Variants in ACOT4 observed in about 807,000 individuals in gnomAD.
The protein encoded by ACOT4 is acyl-CoA thioesterase 4.
A neutral mutation model predicts 17.1 loss-of-function variants in ACOT4; 18 were observed. The observed-to-expected ratio is 1.05, with a 90% CI of 0.73 to 1.56. The LOEUF (loss-of-function observed/expected upper bound fraction) is 1.56. ACOT4 is among the 40% of genes most tolerant of loss of function. The pLI is 0.00. For missense variants in ACOT4, 574 were observed against 557.2 expected (o/e 1.03, Z -0.30); for synonymous variants, 234 against 236.6 (o/e 0.99, Z 0.10).
chr14:73,595,328 G>A lies in ACOT4; in HGVS notation c.940G>A (p.Ala314Thr). The change falls in exon 3 of 3, where the codon GCC (alanine) becomes ACC (threonine). Residue 314 changes from alanine to threonine, a missense_variant. Coordinates refer to ENST00000326303, the MANE Select transcript of ACOT4 (RefSeq NM_152331.4). ...CCCCAGCATGATTCCAATAGAGAAGGCCCAGGGGCCCATCCTGCTCATTGT... is the reference window on the plus strand; with the variant it reads ...CCCCAGCATGATTCCAATAGAGAAGACCCAGGGGCCCATCCTGCTCATTGT... The part of the protein sequence containing the change: ...KNPSMIPIEK[A>T]QGPILLIVGQ... 1 of 1,614,224 alleles carries A rather than the reference G, an allele frequency of 6.2e-7. No homozygotes were observed. Among genetic ancestry groups the A allele is most frequent in the Non-Finnish European group, 8.5e-7 (1 of 1,180,040 alleles).
chr14:73,593,622 C>A, intron 1 of ACOT4, 80 bp from the exon 2 acceptor site: 1 of 1,372,916 alleles, frequency 7.3e-7, no homozygotes, highest in Non-Finnish European at 1.0e-6. Flanking sequence ...AGATTACAAG[C>A]ATGAACCACA....
At position 73,592,163 on chromosome 14, in the gene ACOT4, G is replaced by C; in HGVS notation, c.204G>C (p.Leu68=). The change falls in exon 1 of 3, where the codon CTG becomes CTC. Residue 68 remains leucine (L), a synonymous_variant. Transcript: ENST00000326303. The part of the protein sequence containing the change: ...GELDLERAPA[L]GGSFAGLEPM... ...TGGACCTGGAGCGCGCACCCGCGCTGGGCGGCAGCTTCGCGGGACTCGAGC... is the reference window on the plus strand; with the variant it reads ...TGGACCTGGAGCGCGCACCCGCGCTCGGCGGCAGCTTCGCGGGACTCGAGC... 2 of 1,602,414 alleles carry C rather than the reference G, an allele frequency of 1.2e-6. No homozygotes were observed. Among genetic ancestry groups the C allele is most frequent in the African/African-American group, 1.4e-5 (1 of 73,602 alleles).
Position 73,593,772 on chromosome 14 carries a change from C to G in ACOT4, c.528C>G (p.Ser176Arg). The change falls in exon 2 of 3, where the codon AGC becomes AGG. Residue 176 changes from serine (S) to arginine (R), a missense_variant. Transcript: ENST00000326303. ...IGGGLLEYRA[S>R]LLAGHGFATL... Reference sequence around the variant, plus strand: ...GGGGCCTCTTGGAATATCGAGCCAGCCTCCTTGCTGGCCATGGCTTTGCCA... The same window carrying G: ...GGGGCCTCTTGGAATATCGAGCCAGGCTCCTTGCTGGCCATGGCTTTGCCA... 1 of 1,613,976 alleles carries G rather than the reference C, an allele frequency of 6.2e-7. No homozygotes were observed. The highest frequency in any genetic ancestry group is 1.3e-5 in the African/African-American group (1 of 75,058).
In ACOT4 at chr14:73,595,264, T is replaced by C. The variant is rs2010070; in HGVS notation, c.876T>C (p.Ile292=). 1,196,792 of 1,614,062 alleles carry C rather than the reference T, an allele frequency of 0.74. 448,062 individuals carry two copies. Among genetic ancestry groups the C allele is most frequent in the East Asian group, 0.96 (43,047 of 44,870 alleles). ...TAGCTTTCTCAGGCCTCGTGGACAT[T>C]GTGGATATAAGGAATGCTCTCGTAG... ...IKVAFSGLVD[I]VDIRNALVGG... The change falls in exon 3 of 3, where the codon ATT becomes ATC. Residue 292 remains isoleucine (I), a synonymous_variant. Coordinates refer to ENST00000326303, the MANE Select transcript of ACOT4 (RefSeq NM_152331.4).
Position 73,593,694 on chromosome 14 carries a change from T to C in ACOT4, c.458-8T>C. 1 of 1,591,208 alleles carries C rather than the reference T, an allele frequency of 6.3e-7. No individual in the cohort carries two copies. The highest frequency in any genetic ancestry group is 1.4e-5 in the African/African-American group (1 of 73,948). On this transcript the variant is annotated splice_polypyrimidine_tract_variant and splice_region_variant and intron_variant, in intron 1 of 2. Coordinates refer to ENST00000326303, the MANE Select transcript of ACOT4 (RefSeq NM_152331.4). Reference sequence around the variant, plus strand: ...AATGGCTTACATTTATAATATTTTGTTCTCTAGGACCTGGACCCTTCCCAG... The same window carrying C: ...AATGGCTTACATTTATAATATTTTGCTCTCTAGGACCTGGACCCTTCCCAG...
In ACOT4 at chr14:73,595,613, C is replaced by A. The variant is rs1324400733; in HGVS notation, c.1225C>A (p.His409Asn). The change falls in exon 3 of 3, where the codon CAC becomes AAC. Residue 409 changes from histidine to asparagine, a missense_variant. Transcript: ENST00000326303. ...WKQILAFFCK[H>N]LGGTQKTAVP... ...GCAAATTCTAGCCTTCTTCTGCAAA[C>A]ACCTGGGAGGTACCCAGAAAACAGC... The A allele has an allele frequency of 2.6e-6, 4 of 1,547,056 alleles. No individual in the cohort carries two copies. Among genetic ancestry groups the A allele is most frequent in the Non-Finnish European group, 3.5e-6 (4 of 1,146,388 alleles).
chr14:73,593,427 C>G lies in ACOT4; in HGVS notation c.458-275C>G, dbSNP rs529930049. On this transcript the variant is annotated intron_variant, in intron 1 of 2. Transcript: ENST00000326303. ...GGTCACACCTCACTGCAGCCTTGAC[C>G]TCTGGGGCTCAAGTGATCCTCCCTC... Among the ~76,000 whole-genome samples, 13 of 148,310 alleles carry G rather than the reference C, an allele frequency of 8.8e-5. No individual in the cohort carries two copies. In the East Asian group the frequency reaches 2.2e-3, roughly 25 times the overall value.
Position 73,592,334 on chromosome 14 carries a change from C to A in ACOT4, c.375C>A (p.His125Gln), listed in dbSNP as rs757875410. 2 of 1,604,714 alleles carry A rather than the reference C, an allele frequency of 1.2e-6. No homozygotes were observed. The highest frequency in any genetic ancestry group is 1.7e-6 in the Non-Finnish European group (2 of 1,176,254). Reference sequence around the variant, plus strand: ...GACGGCTGCTGTGCCAGGCGCAGCACGAGCGCCACTTCCTCCCGCCAGGGG... The same window carrying A: ...GACGGCTGCTGTGCCAGGCGCAGCAAGAGCGCCACTTCCTCCCGCCAGGGG... ...EPGRLLCQAQ[H>Q]ERHFLPPGVR... The change falls in exon 1 of 3, where the codon CAC becomes CAA. Residue 125 changes from histidine to glutamine, a missense_variant. Coordinates refer to ENST00000326303, the MANE Select transcript of ACOT4 (RefSeq NM_152331.4).
rs568809707 is a variant in ACOT4, at chr14:73,594,983, G to C, written c.661-66G>C. On this transcript the variant is annotated intron_variant, in intron 2 of 2. Transcript: ENST00000326303. ...GCCTCGCAGAGTGTTGGGATTACAG[G>C]CATGAGCCACCGCACCCAATCTGGA... 61 of 1,575,950 alleles carry C rather than the reference G, an allele frequency of 3.9e-5. No homozygotes were observed. In the East Asian group the frequency reaches 1.3e-3, roughly 35 times the overall value.
Position 73,592,052 on chromosome 14 carries a change from G to A in ACOT4, c.93G>A (p.Arg31=). Residue 31 remains arginine (R), a synonymous_variant, in exon 1 of 3, where the codon CGG becomes CGA. Transcript: ENST00000326303. ...IAVRGLAPEQ[R]VTLRASLRDE... ...TGCGCGGCCTGGCCCCGGAGCAGCG[G>A]GTTACGCTGCGCGCGTCCCTGCGCG... 6.8e-7 allele frequency: 1 copy of A among 1,478,630 alleles called. No homozygotes were observed. 91.6% of individuals were successfully genotyped at this position (1,478,630 alleles called of 1,614,324 possible).
chr14:73,594,765 A>G (rs533750990), intron 2 of ACOT4, among the ~76,000 whole-genome samples: 2 of 152,126 alleles, frequency 1.3e-5, no homozygotes, highest in South Asian at 2.1e-4. Flanking sequence ...CAGTGGCGCA[A>G]TCTCGGCTCA....
chr14:73,593,818 A>G lies in ACOT4; in HGVS notation c.574A>G (p.Asn192Asp), dbSNP rs760388223. 2 of 1,614,032 alleles carry G rather than the reference A, an allele frequency of 1.2e-6. No homozygotes were observed. Among genetic ancestry groups the G allele is most frequent in the Admixed American group, 3.3e-5 (2 of 59,984 alleles). The change falls in exon 2 of 3, where the codon AAC becomes GAC. Residue 192 changes from asparagine to aspartate, a missense_variant. Coordinates refer to ENST00000326303, the MANE Select transcript of ACOT4 (RefSeq NM_152331.4). ...TGCCACGTTGGCTCTAGCTTATTAT[A>G]ACTTTGAAGATCTCCCCAATAACAT... ...GFATLALAYY[N>D]FEDLPNNMDN...
Position 73,592,385 on chromosome 14 carries a change from C to T in ACOT4, c.426C>T (p.Gly142=). 1.3e-6 allele frequency: 2 copies of T among 1,553,656 alleles called. No individual in the cohort carries two copies. The highest frequency in any genetic ancestry group is 1.2e-5 in the South Asian group (1 of 84,364). The change falls in exon 1 of 3, where the codon GGC becomes GGT. Residue 142 remains glycine, a synonymous_variant. Coordinates refer to ENST00000326303, the MANE Select transcript of ACOT4 (RefSeq NM_152331.4). ...TGCGGCGCCAGTCGGTGCGAGCGGG[C>T]CGGGTGCGCGCCACGCTCTTCCTGC... ...PGVRRQSVRA[G]RVRATLFLPP...
intron 1 of ACOT4, among the ~76,000 whole-genome samples, chr14:73,592,712 G>T (rs1890175966): frequency 6.6e-6 from 1 of 152,124 alleles, no homozygotes; most frequent in African/African-American, 2.4e-5. Context: ...AATTAGTCCA[G>T]CCTGGTGGCA....
chr14:73,592,428 T>G lies in ACOT4; in HGVS notation c.457+12T>G. On this transcript the variant is annotated intron_variant, in intron 1 of 2. Transcript: ENST00000326303. ...CTTCCTGCCGCCAGGTGAGCCAGGC[T>G]GCTGGCGGGTGGTGTGAGCGTCAGT... The G allele has an allele frequency of 6.7e-7, 1 of 1,497,618 alleles. No homozygotes were observed. Among genetic ancestry groups the G allele is most frequent in the Non-Finnish European group, 8.8e-7 (1 of 1,130,992 alleles). The allele number at this position is 1,497,618 out of a possible 1,614,324, so 92.8% of individuals were successfully genotyped here.
chr14:73,593,921 T>G lies in ACOT4; in HGVS notation c.660+17T>G. 1 of 1,593,024 alleles carries G rather than the reference T, an allele frequency of 6.3e-7. No homozygotes were observed. The highest frequency in any genetic ancestry group is 8.6e-7 in the Non-Finnish European group (1 of 1,164,882). On this transcript the variant is annotated intron_variant, in intron 2 of 2. Coordinates refer to ENST00000326303, the MANE Select transcript of ACOT4 (RefSeq NM_152331.4). ...CATCCCCAGGTTCTCCTCATGTCCT[T>G]TATTTAATCAGTCTCTCTAGAAATA...
chr14:73,592,163 G>A lies in ACOT4; in HGVS notation c.204G>A (p.Leu68=). 6.2e-7 allele frequency: 1 copy of A among 1,602,414 alleles called. No homozygotes were observed. The highest frequency in any genetic ancestry group is 8.5e-7 in the Non-Finnish European group (1 of 1,175,336). Residue 68 remains leucine (L), a synonymous_variant, in exon 1 of 3, where the codon CTG becomes CTA. Transcript: ENST00000326303. ...TGGACCTGGAGCGCGCACCCGCGCT[G>A]GGCGGCAGCTTCGCGGGACTCGAGC... ...GELDLERAPA[L]GGSFAGLEPM... is the part of the protein sequence containing the mutation.
rs1383322437 is a variant in ACOT4, at chr14:73,595,492, CCT to C, written c.1105_1106del (p.Leu369ValfsTer24). ...GHYIEPPYFP[L>X]CPASLHRLLN... ...ATTACATCGAGCCTCCTTACTTCCC[CCT>C]GTGCCCAGCTTCCCTTCACAGATTA... is the stretch of plus-strand genomic sequence containing the variant. On this transcript the variant is annotated frameshift_variant, in exon 3 of 3. Coordinates refer to ENST00000326303, the MANE Select transcript of ACOT4 (RefSeq NM_152331.4). LOFTEE classifies it low-confidence loss of function (END_TRUNC). 21 of 1,613,814 alleles carry C rather than the reference CCT, an allele frequency of 1.3e-5. No homozygotes were observed. The African/African-American group carries it at 2.7e-4, about 21-fold the overall frequency.
rs1890165328 is a variant in ACOT4 at position 73,592,212 on chromosome 14, G to A, written c.253G>A (p.Glu85Lys). The A allele has an allele frequency of 6.2e-7, 1 of 1,612,630 alleles. No individual in the cohort carries two copies. Among genetic ancestry groups the A allele is most frequent in the African/African-American group, 1.3e-5 (1 of 74,886 alleles). Residue 85 changes from glutamate (E) to lysine (K), a missense_variant, in exon 1 of 3, where the codon GAA (glutamate) becomes AAA (lysine). Coordinates refer to ENST00000326303, the MANE Select transcript of ACOT4 (RefSeq NM_152331.4). ...GCCCATGGGGCTGCTCTGGGCCCTG[G>A]AACCCGAGAAGCCTTTTTGGCGCTT... ...LEPMGLLWAL[E>K]PEKPFWRFLK... is the part of the protein sequence containing the mutation.
Sources: allele counts gnomAD v4.1 joint callset (sites outside exome capture counted in the v4.1 genomes callset), GRCh38; gene constraint gnomAD v4.1.1; transcripts MANE v1.5; gene names NCBI Gene and HGNC (gene_info 2026-07-23, HGNC 2026-07-21).